Variants in RTN1 observed in about 807,000 individuals in gnomAD.
RTN1 encodes reticulon-1.
Under a neutral mutation model 65.5 loss-of-function variants are expected in RTN1, and 25 were observed. The observed-to-expected ratio is 0.38, with a 90% CI of 0.28 to 0.53. The LOEUF (loss-of-function observed/expected upper bound fraction) is 0.53, where lower values mean the gene tolerates loss of function less well. Ranked by LOEUF, RTN1 falls within the 20% of genes least tolerant of loss-of-function variation. The pLI is 0.79. For missense variants in RTN1, 983 were observed against 1,025.4 expected, an observed-to-expected ratio of 0.96 and a Z score of 0.57; for synonymous variants, 471 against 447.6, an observed-to-expected ratio of 1.05 and a Z score of -0.66.
intron 1 of RTN1, among the ~76,000 whole-genome samples, chr14:59,841,707 A>C (rs1216200857): frequency 7.1e-6 from 1 of 141,792 alleles, no homozygotes; most frequent in African/African-American, 2.8e-5. Context: ...ACTCCATTAA[A>C]AAAAAAAACA....
chr14:59,784,230 G>A, intron 1 of RTN1, among the ~76,000 whole-genome samples: 1 of 152,064 alleles, frequency 6.6e-6, no homozygotes, highest in South Asian at 2.1e-4. Context: ...CCTGAGGTTG[G>A]GAGTTCGAGA....
At chr14:59,749,156 A>ATCTC (rs1277572825) in intron 1 of RTN1, among the ~76,000 whole-genome samples, 1 of 54,962 alleles carries the variant, frequency 1.8e-5, no homozygotes, top group Non-Finnish European at 3.1e-5. Flanking sequence ...CTATCTATCT[A>ATCTC]TATCTATCTA....
intron 3 of RTN1, among the ~76,000 whole-genome samples, chr14:59,666,958 C>A: frequency 2.1e-5 from 2 of 94,186 alleles, no homozygotes; most frequent in South Asian, 3.8e-4. Context: ...AATAGCCGAC[C>A]AACCAAAAAA....
chr14:59,715,653 C>G (rs1400937263), intron 3 of RTN1, among the ~76,000 whole-genome samples: 1 of 151,984 alleles, frequency 6.6e-6, no homozygotes, highest in African/African-American at 2.4e-5. Context: ...TGGTGAAACC[C>G]CATCTCTACT....
chr14:59,603,997 C>G, intron 5 of RTN1, 76 bp from the exon 6 acceptor site: 1 of 1,152,160 alleles, frequency 8.7e-7, no homozygotes, highest in Non-Finnish European at 1.3e-6. Flanking sequence ...TGACTTTTAC[C>G]TAGATTTGAA....
At chr14:59,817,162 C>A (rs8011499) in intron 1 of RTN1, among the ~76,000 whole-genome samples, 1 of 151,818 alleles carries the variant, frequency 6.6e-6, no homozygotes, top group Admixed American at 6.6e-5. Context: ...GGGTTACGAG[C>A]GTGATGGTCC....
intron 4 of RTN1, 106 bp from the exon 5 acceptor site, chr14:59,605,612 G>C (rs1200457123): frequency 3.3e-6 from 4 of 1,225,168 alleles, no homozygotes; most frequent in African/African-American, 1.5e-5. Context: ...CTGAGGGTGA[G>C]AGCAGGAGTC....
chr14:59,652,991 G>C, intron 3 of RTN1, among the ~76,000 whole-genome samples: 1 of 150,702 alleles, frequency 6.6e-6, no homozygotes, highest in East Asian at 2.0e-4. Flanking sequence ...GAGAAAGAAA[G>C]AAACAGAAAA....
intron 1 of RTN1, among the ~76,000 whole-genome samples, chr14:59,835,041 A>C (rs748164799): frequency 6.6e-6 from 1 of 152,224 alleles, no homozygotes; most frequent in African/African-American, 2.4e-5. Context: ...TAATACAAAC[A>C]CTGGTACATA....
intron 1 of RTN1, among the ~76,000 whole-genome samples, chr14:59,811,983 C>T (rs1886737740): frequency 6.6e-6 from 1 of 152,154 alleles, no homozygotes; most frequent in African/African-American, 2.4e-5. Flanking sequence ...AAGGTTAGTG[C>T]CTTCCCTCAC....
intron 1 of RTN1, among the ~76,000 whole-genome samples, chr14:59,819,073 C>A (rs77712376): frequency 6.6e-6 from 1 of 152,016 alleles, no homozygotes; most frequent in African/African-American, 2.4e-5. Context: ...TGGCGCATCC[C>A]GAGTCGTTGG....
chr14:59,605,088 T>C (rs186030070), intron 5 of RTN1: 146 of 259,792 alleles, frequency 5.6e-4, no homozygotes, highest in African/African-American at 2.9e-3. Context: ...TCTGGTGTGT[T>C]GTAAAGACTA....
chr14:59,758,918 C>T (rs1281571046), intron 1 of RTN1, among the ~76,000 whole-genome samples: 6 of 152,176 alleles, frequency 3.9e-5, no homozygotes, highest in Non-Finnish European at 5.9e-5. Flanking sequence ...AGGACATTCT[C>T]ATATGTACAT....
intron 3 of RTN1, among the ~76,000 whole-genome samples, chr14:59,620,363 T>C (rs1404040274): frequency 6.6e-6 from 1 of 152,102 alleles, no homozygotes; most frequent in Non-Finnish European, 1.5e-5. Flanking sequence ...AAGGCCTGCA[T>C]TGTCCAATAC....
At chr14:59,603,519 C>T (rs1273713907) in intron 6 of RTN1, among the ~76,000 whole-genome samples, 1 of 151,086 alleles carries the variant, frequency 6.6e-6, no homozygotes, top group Non-Finnish European at 1.5e-5. Context: ...GATAAACTCT[C>T]CCCTCCCAAG....
At chr14:59,618,295 C>T (rs915818486) in intron 3 of RTN1, among the ~76,000 whole-genome samples, 1 of 152,202 alleles carries the variant, frequency 6.6e-6, no homozygotes, top group African/African-American at 2.4e-5. Context: ...CCCTAAACTG[C>T]TCCTAAGATC....
rs78384212 is a variant in RTN1 at position 59,825,156 on chromosome 14, C to T, written c.241+45234G>A. Among the ~76,000 whole-genome samples, 3,173 of 152,340 alleles carry T rather than the reference C, an allele frequency of 0.021. 46 individuals are homozygous for T. The highest frequency in any genetic ancestry group is 0.032 in the Non-Finnish European group (2,143 of 68,022). On this transcript the variant is annotated intron_variant, in intron 1 of 8. Transcript: ENST00000267484. This position sits in a 1 kb window ranked among gnomAD's most constrained non-coding sequence, Gnocchi z 4.2. ...TGTCCTGTGCATTGTAGAATCTTTA[C>T]CAACATCCCTAGCCTCTACCGACTA...
intron 1 of RTN1, among the ~76,000 whole-genome samples, chr14:59,765,249 G>A (rs1885828464): frequency 6.6e-6 from 1 of 152,200 alleles, no homozygotes; most frequent in Admixed American, 6.5e-5. Flanking sequence ...AGGCTTCCCA[G>A]TAGGGTGACC....
intron 3 of RTN1, among the ~76,000 whole-genome samples, chr14:59,621,955 T>C (rs980742898): frequency 6.6e-6 from 1 of 152,244 alleles, no homozygotes; most frequent in African/African-American, 2.4e-5. Context: ...TATTCTTAAC[T>C]GTGTAATTTT....
Sources: allele counts gnomAD v4.1 joint callset (sites outside exome capture counted in the v4.1 genomes callset), GRCh38; gene constraint gnomAD v4.1.1; non-coding constraint Gnocchi (gnomAD v3.1); transcripts MANE v1.5; gene names NCBI Gene and HGNC (gene_info 2026-07-23, HGNC 2026-07-21).